The following SPPL3 variants were observed in gnomAD, a reference collection of about 807,000 sequenced individuals.
SPPL3 encodes signal peptide peptidase-like 3.
SPPL3 carries 5 observed loss-of-function variants against 42.4 expected under a neutral mutation model. The ratio of observed to expected loss-of-function variants is 0.12; its 90% CI spans 0.06 to 0.25. The LOEUF (loss-of-function observed/expected upper bound fraction) is 0.25. SPPL3 is among the 10% of genes least tolerant of loss of function. The pLI, the probability that SPPL3 is intolerant of heterozygous loss-of-function variation, is 1.00. For missense variants in SPPL3, 235 were observed against 489.0 expected, an observed-to-expected ratio of 0.48 and a Z score of 4.90; for synonymous variants, 195 against 181.8, an observed-to-expected ratio of 1.07 and a Z score of -0.58.
chr12:120,785,142 G>A (rs1247534928), intron 3 of SPPL3, among the ~76,000 whole-genome samples: 1 of 152,124 alleles, frequency 6.6e-6, no homozygotes, highest in African/African-American at 2.4e-5. Flanking sequence ...GGTAGCTCAC[G>A]CCTGTAATCC....
At chr12:120,880,483 A>G (rs1468924927) in intron 1 of SPPL3, among the ~76,000 whole-genome samples, 1 of 151,982 alleles carries the variant, frequency 6.6e-6, no homozygotes, top group Non-Finnish European at 1.5e-5. Context: ...CAACCTACAT[A>G]ATGGGAGAAA....
intron 1 of SPPL3, among the ~76,000 whole-genome samples, chr12:120,886,528 C>G (rs1176257883): frequency 6.6e-6 from 1 of 152,156 alleles, no homozygotes; most frequent in Non-Finnish European, 1.5e-5. Flanking sequence ...CAAACGATAA[C>G]AGTTCCAACA....
Position 120,793,660 on chromosome 12 carries a change from T to C in SPPL3, c.102-2103A>G, listed in dbSNP as rs181326854. On this transcript the variant is annotated intron_variant, in intron 2 of 10. Coordinates refer to ENST00000353487, the MANE Select transcript of SPPL3 (RefSeq NM_139015.5). ...CTTTGGAAAACAGAATCTAACCATGTTGACACCCTGACCTGAGAATTCCAA... is the reference window on the plus strand; with the variant it reads ...CTTTGGAAAACAGAATCTAACCATGCTGACACCCTGACCTGAGAATTCCAA... 1.2e-3 allele frequency among the ~76,000 whole-genome samples: 180 copies of C among 152,346 alleles called. 3 individuals carry two copies. The Middle Eastern group carries it at 0.017, about 14-fold the overall frequency.
At chr12:120,884,654 GGTA>G (rs1323083910) in intron 1 of SPPL3, among the ~76,000 whole-genome samples, 1 of 150,728 alleles carries the variant, frequency 6.6e-6, no homozygotes, top group Non-Finnish European at 1.5e-5. Flanking sequence ...TAGAATTGTG[GGTA>G]GTTTTTCTAT....
intron 5 of SPPL3, 33 bp from the exon 6 acceptor site, chr12:120,782,800 G>A (rs1277706094): frequency 4.7e-6 from 7 of 1,493,746 alleles, no homozygotes; most frequent in Non-Finnish European, 6.4e-6. Flanking sequence ...TGGACAGTGG[G>A]CACACTTTAT....
At chr12:120,783,830 A>G in intron 4 of SPPL3, 78 bp from the exon 5 acceptor site, 1 of 1,208,056 alleles carries the variant, frequency 8.3e-7, no homozygotes, top group Non-Finnish European at 1.2e-6. Flanking sequence ...CATTCCGCCA[A>G]ACACTAGACA....
chr12:120,795,842 T>C (rs1870078908), intron 2 of SPPL3, among the ~76,000 whole-genome samples: 1 of 152,202 alleles, frequency 6.6e-6, no homozygotes, highest in Admixed American at 6.5e-5. Flanking sequence ...CCATTACCCA[T>C]ACAGTAGGCC....
intron 1 of SPPL3, among the ~76,000 whole-genome samples, chr12:120,833,766 AGTGTGTGTGTGT>A (rs71076664): frequency 0.032 from 4,626 of 146,692 alleles, 92 homozygotes; most frequent in South Asian, 0.051. Flanking sequence ...TGAGTTTTAA[AGTGTGTGTGTGT>A]GTGTGTGTGT....
chr12:120,850,747 G>T (rs550248986), intron 1 of SPPL3, among the ~76,000 whole-genome samples: 1 of 152,176 alleles, frequency 6.6e-6, no homozygotes, highest in East Asian at 1.9e-4. Context: ...TTATAGGGCT[G>T]GTTCCCTGTG....
intron 1 of SPPL3, among the ~76,000 whole-genome samples, chr12:120,888,247 C>T (rs7316450): frequency 0.19 from 29,462 of 151,816 alleles, 4,506 homozygotes; most frequent in African/African-American, 0.41. Flanking sequence ...AGCTAATTTT[C>T]GTATTTTTAG....
intron 1 of SPPL3, among the ~76,000 whole-genome samples, chr12:120,819,924 C>A (rs662284): frequency 0.2 from 30,294 of 152,088 alleles, 3,681 homozygotes; most frequent in Non-Finnish European, 0.28. Flanking sequence ...AGAGGTTTTA[C>A]CCACCATTGC....
At chr12:120,782,976 A>G (rs528207722) in intron 5 of SPPL3, among the ~76,000 whole-genome samples, 2 of 152,330 alleles carry the variant, frequency 1.3e-5, no homozygotes, top group Non-Finnish European at 2.9e-5. Flanking sequence ...TTTGGGACCA[A>G]TTATCAACAT....
chr12:120,847,093 T>C (rs1174250810), intron 1 of SPPL3, among the ~76,000 whole-genome samples: 1 of 152,168 alleles, frequency 6.6e-6, no homozygotes, highest in Non-Finnish European at 1.5e-5. Context: ...TTTATGTTAC[T>C]GAATACCTGC....
chr12:120,779,812 TAAAAATACAAAAAA>T (rs1869458745), intron 6 of SPPL3, among the ~76,000 whole-genome samples: 1 of 15,074 alleles, frequency 6.6e-5, no homozygotes, highest in African/African-American at 4.6e-4. Flanking sequence ...TTGTCTCTAC[TAAAAATACAAAAAA>T]AAAAAAAAAA....
At chr12:120,900,551 G>A (rs1386285691) in intron 1 of SPPL3, among the ~76,000 whole-genome samples, 1 of 147,146 alleles carries the variant, frequency 6.8e-6, no homozygotes, top group African/African-American at 2.5e-5. Flanking sequence ...CTGTGATCTT[G>A]CCACTGCACT....
chr12:120,808,534 C>T (rs1404863825), intron 2 of SPPL3, among the ~76,000 whole-genome samples: 2 of 152,128 alleles, frequency 1.3e-5, no homozygotes, highest in Non-Finnish European at 2.9e-5. Context: ...TAGTAAGAGC[C>T]ATTTCATACT....
chr12:120,767,696 C>A, intron 8 of SPPL3, 103 bp from the exon 9 acceptor site: 1 of 1,145,106 alleles, frequency 8.7e-7, no homozygotes. Flanking sequence ...AAGAGCTTAT[C>A]TGCATGGCAG....
chr12:120,890,771 T>C (rs983683200), intron 1 of SPPL3, among the ~76,000 whole-genome samples: 10 of 152,108 alleles, frequency 6.6e-5, no homozygotes, highest in Admixed American at 2.0e-4. Context: ...ATTTAAAATA[T>C]ATTAAATAAT....
At chr12:120,784,727 T>A (rs1007022645) in intron 3 of SPPL3, 134 bp from the exon 4 acceptor site, 1 of 576,280 alleles carries the variant, frequency 1.7e-6, no homozygotes, top group African/African-American at 1.9e-5. Flanking sequence ...ATCCAGGCCC[T>A]ATGAGTCTTT....
Sources: allele counts gnomAD v4.1 joint callset (sites outside exome capture counted in the v4.1 genomes callset), GRCh38; gene constraint gnomAD v4.1.1; transcripts MANE v1.5; gene names NCBI Gene and HGNC (gene_info 2026-07-23, HGNC 2026-07-21).